Variants in GNB4 observed in about 807,000 individuals in gnomAD.
GNB4 encodes G protein subunit beta 4.
Under a neutral mutation model 45.2 loss-of-function variants are expected in GNB4, and 28 were observed. The ratio of observed to expected loss-of-function variants is 0.62; its 90% CI spans 0.46 to 0.85. The LOEUF is 0.85. Ranked by LOEUF, GNB4 falls within the 40% of genes least tolerant of loss-of-function variation. GNB4 has a pLI of 0.00. For synonymous variants in GNB4, 132 were observed against 143.7 expected, an observed-to-expected ratio of 0.92 and a Z score of 0.58; for missense variants, 321 against 425.4, an observed-to-expected ratio of 0.75 and a Z score of 2.16.
At chr3:179,502,990 C>A in the GNB4 span, among the ~76,000 whole-genome samples, 835 of 152,288 alleles carry the variant, frequency 5.5e-3, 12 homozygotes, top group Admixed American at 0.031. Context: ...TAGGCACATG[C>A]CAAGATGCTG....
chr3:179,474,112 C>T, the GNB4 span, among the ~76,000 whole-genome samples: 1 of 152,136 alleles, frequency 6.6e-6, no homozygotes, highest in Non-Finnish European at 1.5e-5. Flanking sequence ...ATCACTCAAG[C>T]CCAGGAATTC....
chr3:179,423,323 G>C (rs1055852083), intron 2 of GNB4, among the ~76,000 whole-genome samples: 4 of 152,144 alleles, frequency 2.6e-5, no homozygotes, highest in African/African-American at 9.7e-5. Flanking sequence ...GGCAGACCGT[G>C]ATCAGCTCTA....
At chr3:179,427,397 G>C (rs1330499349) in intron 1 of GNB4, among the ~76,000 whole-genome samples, 2 of 151,892 alleles carry the variant, frequency 1.3e-5, no homozygotes, top group East Asian at 3.9e-4. Flanking sequence ...TTGAGGCCAG[G>C]AGTTCAAGAC....
intron 4 of GNB4, among the ~76,000 whole-genome samples, chr3:179,418,563 G>A (rs765144589): frequency 1.1e-4 from 16 of 151,492 alleles, no homozygotes; most frequent in Admixed American, 2.0e-4. Flanking sequence ...GTATCCCTTC[G>A]TAAGAGGCAC....
At chr3:179,467,021 T>A in the GNB4 span, among the ~76,000 whole-genome samples, 1 of 152,192 alleles carries the variant, frequency 6.6e-6, no homozygotes, top group Non-Finnish European at 1.5e-5. Context: ...AAATTAAGTA[T>A]TATTGTTTAT....
At chr3:179,508,197 G>A in the GNB4 span, among the ~76,000 whole-genome samples, 141 of 152,160 alleles carry the variant, frequency 9.3e-4, 2 homozygotes, top group African/African-American at 3.3e-3. Context: ...ATGTTGTCCA[G>A]GCTGGTCTCG....
Position 179,420,470 on chromosome 3 carries a change from AT to A in GNB4, c.96+418del, listed in dbSNP as rs1168351312. ...AATATATATACATATATATATATATATTTTTTTTTGAGACGGCGTCTCACTC... is the reference window on the plus strand; with the variant it reads ...AATATATATACATATATATATATATATTTTTTTTGAGACGGCGTCTCACTC... On this transcript the variant is annotated intron_variant, in intron 3 of 9. Coordinates refer to ENST00000232564, the MANE Select transcript of GNB4 (RefSeq NM_021629.4). Among the ~76,000 whole-genome samples the A allele has an allele frequency of 4.7e-3, 564 of 119,234 alleles. 6 individuals carry two copies. The highest frequency in any genetic ancestry group is 0.013 in the African/African-American group (466 of 35,538). 78.2% of individuals were successfully genotyped at this position (119,234 alleles called of 152,430 possible). A position where few individuals can be genotyped will look rare whatever the true frequency, so the allele number is the denominator to read the frequency against.
chr3:179,453,849 G>GAAA (rs879792473), upstream of GNB4, among the ~76,000 whole-genome samples: 3 of 134,836 alleles, frequency 2.2e-5, no homozygotes, highest in Admixed American at 7.4e-5. Flanking sequence ...TATTGTTCTG[G>GAAA]AAAAAAAAAA....
At chr3:179,447,707 G>GT (rs1715772436) in intron 1 of GNB4, among the ~76,000 whole-genome samples, 2 of 152,168 alleles carry the variant, frequency 1.3e-5, no homozygotes, top group South Asian at 4.1e-4. Context: ...GGTGGTGGCA[G>GT]TGCAGGTGAT....
the GNB4 span, among the ~76,000 whole-genome samples, chr3:179,512,585 C>T: frequency 6.6e-6 from 1 of 152,326 alleles, no homozygotes; most frequent in South Asian, 2.1e-4. Context: ...AAATGGCTTG[C>T]TTCTCTCCCA....
the GNB4 span, among the ~76,000 whole-genome samples, chr3:179,467,818 A>G: frequency 3.1e-4 from 47 of 152,046 alleles, 1 homozygote; most frequent in African/African-American, 1.1e-3. Flanking sequence ...ATAGTTTTCA[A>G]TCATTCATTT....
Position 179,406,898 on chromosome 3 carries a change from A to T in GNB4, c.700-1492T>A, listed in dbSNP as rs1284968849. 5.6e-4 allele frequency among the ~76,000 whole-genome samples: 86 copies of T among 152,280 alleles called. 1 individual carries two copies. Among genetic ancestry groups the T allele is most frequent in the African/African-American group, 1.9e-3 (79 of 41,556 alleles). On this transcript the variant is annotated intron_variant, in intron 8 of 9. Coordinates refer to ENST00000232564, the MANE Select transcript of GNB4 (RefSeq NM_021629.4). ...CCAAAGTACTGAGATTACGGGCATA[A>T]GCCACAGCGCCTGGCCCCTCTTTTA...
chr3:179,525,721 GTC>G, the GNB4 span, among the ~76,000 whole-genome samples: 1 of 152,224 alleles, frequency 6.6e-6, no homozygotes, highest in Non-Finnish European at 1.5e-5. Context: ...TGTCTCCTTT[GTC>G]TCTACTAGAG....
chr3:179,422,554 A>G (rs2108599035), intron 2 of GNB4, among the ~76,000 whole-genome samples: 1 of 152,304 alleles, frequency 6.6e-6, no homozygotes, highest in South Asian at 2.1e-4. Context: ...CCAGCACCAC[A>G]AGAAATAAAA....
chr3:179,475,178 C>T, the GNB4 span, among the ~76,000 whole-genome samples: 2 of 151,880 alleles, frequency 1.3e-5, no homozygotes, highest in Non-Finnish European at 2.9e-5. Context: ...AGTGCAGTGG[C>T]ACAATCTCAG....
At chr3:179,515,989 G>A in the GNB4 span, among the ~76,000 whole-genome samples, 2 of 152,286 alleles carry the variant, frequency 1.3e-5, no homozygotes, top group South Asian at 4.1e-4. Context: ...AAGACACAGG[G>A]TCTGAATAAG....
rs962001190 is a variant in GNB4 at position 179,400,145 on chromosome 3, T to C, written c.*1068A>G. Reference sequence around the variant, plus strand: ...AAACAGAACAAAAAGCTTAAAGGTTTAAGAAATTTAAAGGCACAGATATTT... The same window carrying C: ...AAACAGAACAAAAAGCTTAAAGGTTCAAGAAATTTAAAGGCACAGATATTT... On this transcript the variant is annotated 3_prime_UTR_variant, in exon 10 of 10. Transcript: ENST00000232564. 12 of 152,240 alleles carry C rather than the reference T, an allele frequency of 7.9e-5. No individual in the cohort carries two copies. Among genetic ancestry groups the C allele is most frequent in the African/African-American group, 2.9e-4 (12 of 41,468 alleles). 9.4% of individuals were successfully genotyped at this position (152,240 alleles called of 1,614,324 possible). A position where few individuals can be genotyped will look rare whatever the true frequency, so the allele number is the denominator to read the frequency against.
chr3:179,474,518 C>G, the GNB4 span, among the ~76,000 whole-genome samples: 1 of 151,118 alleles, frequency 6.6e-6, no homozygotes, highest in East Asian at 2.0e-4. Flanking sequence ...GCCACTGCAC[C>G]CAGCCAAGTC....
intron 5 of GNB4, among the ~76,000 whole-genome samples, chr3:179,415,643 G>GTAA (rs76338775): frequency 1.3e-5 from 2 of 152,108 alleles, no homozygotes; most frequent in East Asian, 3.9e-4. Context: ...ATGGAAAAAA[G>GTAA]GTGTATGAGA....
Sources: gnomAD v4.1 joint callset for allele counts (sites outside exome capture counted in the v4.1 genomes callset) on GRCh38, gnomAD v4.1.1 for gene constraint, MANE v1.5 for transcripts, NCBI Gene and HGNC (gene_info 2026-07-23, HGNC 2026-07-21) for gene names.